Variants in CDK13 observed in about 807,000 individuals in gnomAD.
CDK13 encodes cyclin dependent kinase 13.
CDK13 carries 40 observed loss-of-function variants against 137.6 expected under a neutral mutation model. The observed-to-expected ratio is 0.29, with a 90% CI of 0.23 to 0.38. The LOEUF (loss-of-function observed/expected upper bound fraction) is 0.38. Ranked by LOEUF, CDK13 falls within the 10% of genes least tolerant of loss-of-function variation. The pLI, the probability that CDK13 is intolerant of heterozygous loss-of-function variation, is 1.00. For missense variants in CDK13, 1,704 were observed against 1,951.8 expected, an observed-to-expected ratio of 0.87 and a Z score of 2.39; for synonymous variants, 869 against 760.1, an observed-to-expected ratio of 1.14 and a Z score of -2.36.
rs767693629 is a variant in CDK13 at position 39,988,107 on chromosome 7, A to C, written c.1720A>C (p.Lys574Gln). The stretch of plus-strand genomic sequence containing the variant: ...AAAGGAGAGTAAATCTGCTGCTACA[A>C]AGGAGGAATCAGTATCTCTTAAAGA... ...VGKESKSAAT[K>Q]EESVSLKEKT... The change falls in exon 2 of 14, where the codon AAG becomes CAG. Residue 574 changes from lysine (K) to glutamine (Q), a missense_variant. This residue lies in a region of CDK13 where 1,051 missense variants were observed against 931.0 expected (regional missense o/e 1.13). Transcript: ENST00000181839. 1 of 1,614,112 alleles carries C rather than the reference A, an allele frequency of 6.2e-7. No homozygotes were observed. Among genetic ancestry groups the C allele is most frequent in the East Asian group, 2.2e-5 (1 of 44,882 alleles).
In CDK13 at chr7:40,036,125, C is replaced by T. The variant is rs1430532953; in HGVS notation, c.2354-9711C>T. Reference sequence around the variant, plus strand: ...GTGGCAAGATTGTACCACTGCACTCCAGCCTGGGCAACAGAGTGAGACCCT... The same window carrying T: ...GTGGCAAGATTGTACCACTGCACTCTAGCCTGGGCAACAGAGTGAGACCCT... On this transcript the variant is annotated intron_variant, in intron 5 of 13. Coordinates refer to ENST00000181839, the MANE Select transcript of CDK13 (RefSeq NM_003718.5). Among the ~76,000 whole-genome samples the T allele has an allele frequency of 1.8e-4, 28 of 151,380 alleles. No homozygotes were observed. The Admixed American group carries it at 1.9e-3, about 10-fold the overall frequency.
chr7:39,979,018 G>A (rs537738660), intron 1 of CDK13, among the ~76,000 whole-genome samples: 17 of 152,164 alleles, frequency 1.1e-4, no homozygotes, highest in African/African-American at 3.9e-4. Flanking sequence ...ACTAGGAATG[G>A]GATTGTGTGA....
chr7:40,030,268 T>TAG (rs1408621438), intron 5 of CDK13, among the ~76,000 whole-genome samples: 397 of 137,238 alleles, frequency 2.9e-3, no homozygotes, highest in Non-Finnish European at 4.3e-3. Context: ...TGTGTATATA[T>TAG]ATATATAGAG....
chr7:40,050,420 C>G (rs1273206694), intron 7 of CDK13, among the ~76,000 whole-genome samples: 1 of 152,088 alleles, frequency 6.6e-6, no homozygotes, highest in Non-Finnish European at 1.5e-5. Context: ...TTGAGACAGT[C>G]TCACTCTGTC....
intron 1 of CDK13, among the ~76,000 whole-genome samples, chr7:39,964,571 G>C (rs1222071221): frequency 6.7e-6 from 1 of 150,162 alleles, no homozygotes; most frequent in Non-Finnish European, 1.5e-5. Context: ...AAAAAAACCA[G>C]CTCCTGGATT....
chr7:40,045,347 G>A (rs1204717095), intron 5 of CDK13, among the ~76,000 whole-genome samples: 1 of 150,990 alleles, frequency 6.6e-6, no homozygotes, highest in Non-Finnish European at 1.5e-5. Context: ...TTGCTTTTAG[G>A]TACTCTGGAG....
In CDK13 at chr7:40,096,225, A is replaced by C. The variant is rs1387855981; in HGVS notation, c.*1245A>C. On this transcript the variant is annotated 3_prime_UTR_variant, in exon 14 of 14. Transcript: ENST00000181839. ...TTAACTAGAAACATTGCTTAGATTG[A>C]ATTTATTGAAGCAAAAAGAAAAGGC... 1 of 152,200 alleles carries C rather than the reference A, an allele frequency of 6.6e-6. No individual in the cohort carries two copies. Among genetic ancestry groups the C allele is most frequent in the Non-Finnish European group, 1.5e-5 (1 of 68,026 alleles). 9.4% of individuals were successfully genotyped at this position (152,200 alleles called of 1,614,324 possible).
chr7:40,025,621 C>T (rs537583945), intron 5 of CDK13, among the ~76,000 whole-genome samples: 1 of 152,160 alleles, frequency 6.6e-6, no homozygotes, highest in South Asian at 2.1e-4. Context: ...ATGGGATTTT[C>T]TTCCATTAGG....
At chr7:40,030,270 T>TAGAGAG (rs1358460313) in intron 5 of CDK13, among the ~76,000 whole-genome samples, 3 of 142,286 alleles carry the variant, frequency 2.1e-5, no homozygotes, top group Non-Finnish European at 1.5e-5. Context: ...TGTATATATA[T>TAGAGAG]ATATAGAGAG....
At position 39,951,784 on chromosome 7, in the gene CDK13, C is replaced by G. The variant is rs376497004; in HGVS notation, c.1143C>G (p.Asp381Glu). Residue 381 changes from aspartate to glutamate, a missense_variant, in exon 1 of 14, where the codon GAC becomes GAG. This residue lies in a region of CDK13 where 1,051 missense variants were observed against 931.0 expected (regional missense o/e 1.13). Transcript: ENST00000181839. ...ACAGCTCCTACGAGCGGGGCGGCGA[C>G]GTGTCCCCTAGTCCCTACAGCAGCA... is the stretch of plus-strand genomic sequence containing the variant. ...SRHSSYERGG[D>E]VSPSPYSSSS... The G allele has an allele frequency of 6.8e-7, 1 of 1,475,076 alleles. No individual in the cohort carries two copies. Among genetic ancestry groups the G allele is most frequent in the African/African-American group, 1.5e-5 (1 of 68,550 alleles). The allele number at this position is 1,475,076 out of a possible 1,614,324, so 91.4% of individuals were successfully genotyped here.
At position 39,950,504 on chromosome 7, in the gene CDK13, T is replaced by G; in HGVS notation, c.-138T>G. On this transcript the variant is annotated 5_prime_UTR_variant, in exon 1 of 14. In the 5' UTR this introduces an upstream ATG that the reference lacks. Transcript: ENST00000181839. ...CAGGGACCCGAGTCCCGACCCGGAT[T>G]ATCGTGGCGCTTTTCCCGGCCGGCT... is the stretch of plus-strand genomic sequence containing the variant. 7.9e-7 allele frequency: 1 copy of G among 1,264,070 alleles called. No homozygotes were observed. Among genetic ancestry groups the G allele is most frequent in the Non-Finnish European group, 9.9e-7 (1 of 1,005,820 alleles). The allele number at this position is 1,264,070 out of a possible 1,614,324, so 78.3% of individuals were successfully genotyped here.
intron 9 of CDK13, chr7:40,070,873 C>T (rs1247707578): frequency 6.6e-6 from 1 of 152,058 alleles, no homozygotes; most frequent in Non-Finnish European, 1.5e-5. Flanking sequence ...AGCCTTCTAG[C>T]AGTCAGCTGA....
At chr7:39,972,908 A>G (rs1221669635) in intron 1 of CDK13, among the ~76,000 whole-genome samples, 1 of 152,178 alleles carries the variant, frequency 6.6e-6, no homozygotes, top group Non-Finnish European at 1.5e-5. Context: ...TCATTTTTAT[A>G]TTCATATCAG....
At chr7:40,092,124 A>T (rs1306238239) in intron 12 of CDK13, 2 of 152,168 alleles carry the variant, frequency 1.3e-5, no homozygotes, top group Non-Finnish European at 2.9e-5. Flanking sequence ...AAAAAAAGGT[A>T]ATTTGAAGAA....
At chr7:39,978,317 A>T (rs1784150983) in intron 1 of CDK13, among the ~76,000 whole-genome samples, 1 of 152,252 alleles carries the variant, frequency 6.6e-6, no homozygotes, top group Non-Finnish European at 1.5e-5. Context: ...TTAAGGTTGT[A>T]GCCAACATTA....
rs144958658 is a variant in CDK13 at position 39,979,388 on chromosome 7, G to C, written c.1212-8211G>C. Among the ~76,000 whole-genome samples, 1,178 of 152,018 alleles carry C rather than the reference G, an allele frequency of 7.7e-3. 7 individuals are homozygous for C. The highest frequency in any genetic ancestry group is 0.013 in the Non-Finnish European group (883 of 67,976). On this transcript the variant is annotated intron_variant, in intron 1 of 13. Coordinates refer to ENST00000181839, the MANE Select transcript of CDK13 (RefSeq NM_003718.5). ...TGCGCCACCACACCCGTCTGATTTT[G>C]TATTTTTAGTAGAGACAGGGTTTCT...
At chr7:40,023,625 G>C (rs1785176448) in intron 5 of CDK13, among the ~76,000 whole-genome samples, 1 of 151,832 alleles carries the variant, frequency 6.6e-6, no homozygotes, top group South Asian at 2.1e-4. Context: ...TCAGCCTTCA[G>C]AGTGGCTGGG....
rs533986879 is a variant in CDK13 at position 39,979,026 on chromosome 7, T to G, written c.1212-8573T>G. ...TGAGAAGACTAGGAATGGGATTGTG[T>G]GAGCTTGATGAAAGTTGTGAAAGTT... On this transcript the variant is annotated intron_variant, in intron 1 of 13. Coordinates refer to ENST00000181839, the MANE Select transcript of CDK13 (RefSeq NM_003718.5). Among the ~76,000 whole-genome samples, 8 of 152,220 alleles carry G rather than the reference T, an allele frequency of 5.3e-5. No individual in the cohort carries two copies. The East Asian group carries it at 1.5e-3, about 29-fold the overall frequency.
intron 9 of CDK13, among the ~76,000 whole-genome samples, chr7:40,074,288 C>T (rs1159117455): frequency 6.6e-6 from 1 of 152,088 alleles, no homozygotes; most frequent in African/African-American, 2.4e-5. Context: ...TTTGGGAGGC[C>T]GAGGTGGGCG....
Sources: gnomAD v4.1 joint callset for allele counts (sites outside exome capture counted in the v4.1 genomes callset) on GRCh38, gnomAD v4.1.1 for gene constraint, gnomAD v4.1.1 regional missense constraint, MANE v1.5 for transcripts, NCBI Gene and HGNC (gene_info 2026-07-23, HGNC 2026-07-21) for gene names.